Variants in MAGI1 observed in about 807,000 individuals in gnomAD.
MAGI1 encodes membrane-associated guanylate kinase, WW and PDZ domain-containing protein 1.
In MAGI1, 58 loss-of-function variants were observed where a neutral mutation model predicts 139.9. The ratio of observed to expected loss-of-function variants is 0.41; its 90% CI spans 0.34 to 0.52. MAGI1 has a LOEUF of 0.52. Among genes scored for constraint, MAGI1 ranks in the 20% least tolerant of loss-of-function variants. The pLI, the probability that MAGI1 is intolerant of heterozygous loss-of-function variation, is 0.12. For missense variants in MAGI1, 1,874 were observed against 1,901.6 expected, an observed-to-expected ratio of 0.99 and a Z score of 0.27; for synonymous variants, 812 against 737.9, an observed-to-expected ratio of 1.10 and a Z score of -1.63.
chr3:65,970,088 C>T (rs1404149290), intron 1 of MAGI1, among the ~76,000 whole-genome samples: 1 of 152,228 alleles, frequency 6.6e-6, no homozygotes, highest in East Asian at 1.9e-4. Flanking sequence ...CAGAAGCAAC[C>T]CACTGTCCAT....
chr3:65,438,225 G>A (rs192912933), intron 9 of MAGI1, among the ~76,000 whole-genome samples: 18 of 152,142 alleles, frequency 1.2e-4, no homozygotes, highest in East Asian at 9.7e-4. Flanking sequence ...TGTCTTTTGC[G>A]GCAACATGAA....
intron 1 of MAGI1, among the ~76,000 whole-genome samples, chr3:65,631,284 G>A (rs1474553179): frequency 6.6e-6 from 1 of 152,172 alleles, no homozygotes; most frequent in Non-Finnish European, 1.5e-5. Context: ...AGCTTTGAGT[G>A]GAATACAGAG....
intron 1 of MAGI1, among the ~76,000 whole-genome samples, chr3:65,814,811 T>C (rs538372280): frequency 2.2e-4 from 34 of 152,320 alleles, no homozygotes; most frequent in African/African-American, 7.5e-4. Context: ...AGTGATTTGA[T>C]TTGATCATTT....
intron 2 of MAGI1, among the ~76,000 whole-genome samples, chr3:65,613,267 T>C (rs530258617): frequency 6.6e-6 from 1 of 152,294 alleles, no homozygotes; most frequent in East Asian, 1.9e-4. Context: ...CCTACAGGGT[T>C]CAGAGATGGC....
intron 1 of MAGI1, among the ~76,000 whole-genome samples, chr3:65,741,082 T>G (rs762286260): frequency 6.6e-6 from 1 of 152,142 alleles, no homozygotes; most frequent in Non-Finnish European, 1.5e-5. Flanking sequence ...TCTATAATCA[T>G]GTAAACAACA....
At chr3:65,641,684 T>G (rs1240317399) in intron 1 of MAGI1, among the ~76,000 whole-genome samples, 1 of 152,124 alleles carries the variant, frequency 6.6e-6, no homozygotes, top group Non-Finnish European at 1.5e-5. Flanking sequence ...GTGGAAAAAT[T>G]CTAACACCCT....
chr3:66,009,778 C>A (rs2067226405), intron 1 of MAGI1, among the ~76,000 whole-genome samples: 1 of 151,732 alleles, frequency 6.6e-6, no homozygotes, highest in Non-Finnish European at 1.5e-5. Flanking sequence ...CTAAAAGAAT[C>A]ATTGTTGGCT....
At chr3:65,770,928 T>C (rs2037900017) in intron 1 of MAGI1, among the ~76,000 whole-genome samples, 1 of 151,966 alleles carries the variant, frequency 6.6e-6, no homozygotes, top group Non-Finnish European at 1.5e-5. Context: ...CCTAACCTCG[T>C]GATCCACCCA....
chr3:65,597,966 G>C, intron 2 of MAGI1: 1 of 453,090 alleles, frequency 2.2e-6, no homozygotes, highest in Non-Finnish European at 4.4e-6. Context: ...GGAGAGCTGG[G>C]GGCGCCTCGG....
At chr3:65,774,881 G>A (rs1212131347) in intron 1 of MAGI1, among the ~76,000 whole-genome samples, 2 of 152,150 alleles carry the variant, frequency 1.3e-5, no homozygotes, top group African/African-American at 4.8e-5. Context: ...ACTATTGATA[G>A]CTACATGAGT....
chr3:65,667,909 T>C (rs903875983), intron 1 of MAGI1, among the ~76,000 whole-genome samples: 3 of 152,194 alleles, frequency 2.0e-5, no homozygotes, highest in Admixed American at 1.3e-4. Context: ...CAGCTGGACA[T>C]GTGTATGGCA....
intron 1 of MAGI1, among the ~76,000 whole-genome samples, chr3:65,692,434 A>C (rs1309627582): frequency 6.6e-6 from 1 of 152,152 alleles, no homozygotes; most frequent in Non-Finnish European, 1.5e-5. Flanking sequence ...CCAAACTCAT[A>C]TGTTGAAGTC....
chr3:65,743,811 T>C (rs1487642522), intron 1 of MAGI1, among the ~76,000 whole-genome samples: 1 of 152,208 alleles, frequency 6.6e-6, no homozygotes, highest in South Asian at 2.1e-4. Flanking sequence ...TTAACACATA[T>C]TCATTTTTTG....
At chr3:65,885,555 T>G (rs1210939372) in intron 1 of MAGI1, among the ~76,000 whole-genome samples, 2 of 152,150 alleles carry the variant, frequency 1.3e-5, no homozygotes, top group African/African-American at 2.4e-5. Flanking sequence ...TTACATGTCA[T>G]GGAGGGACCC....
intron 8 of MAGI1, 104 bp from the exon 9 acceptor site, chr3:65,440,116 C>G (rs934749065): frequency 4.3e-5 from 55 of 1,272,592 alleles, no homozygotes; most frequent in Non-Finnish European, 5.6e-5. Context: ...AGCAGGTGGT[C>G]TGAGATGCTA....
At chr3:65,775,865 C>G (rs968724091) in intron 1 of MAGI1, among the ~76,000 whole-genome samples, 1 of 151,560 alleles carries the variant, frequency 6.6e-6, no homozygotes, top group African/African-American at 2.4e-5. Flanking sequence ...TCACCTGAAC[C>G]TGGGAAGCTG....
intron 1 of MAGI1, among the ~76,000 whole-genome samples, chr3:65,932,424 G>A (rs1436321242): frequency 6.6e-6 from 1 of 152,180 alleles, no homozygotes; most frequent in East Asian, 1.9e-4. Context: ...CTCTCCCATA[G>A]CAGGTAACTT....
intron 1 of MAGI1, among the ~76,000 whole-genome samples, chr3:66,005,841 A>T (rs929592964): frequency 1.3e-5 from 2 of 149,946 alleles, no homozygotes; most frequent in African/African-American, 5.0e-5. Context: ...AATGATGACA[A>T]ATAAACAGAG....
chr3:65,725,660 A>C (rs1472642617), intron 1 of MAGI1, among the ~76,000 whole-genome samples: 1 of 152,210 alleles, frequency 6.6e-6, no homozygotes, highest in Non-Finnish European at 1.5e-5. Flanking sequence ...AGTGTCACCA[A>C]GCTAACAATG....
Sources: allele counts gnomAD v4.1 joint callset (sites outside exome capture counted in the v4.1 genomes callset), GRCh38; gene constraint gnomAD v4.1.1; transcripts MANE v1.5; gene names NCBI Gene and HGNC (gene_info 2026-07-23, HGNC 2026-07-21).